The following CELF5 variants were observed in gnomAD, a reference collection of about 807,000 sequenced individuals.
CELF5 encodes CUG-BP and ETR-3 like factor 5.
CELF5 carries 6 observed loss-of-function variants against 54.9 expected under a neutral mutation model. The observed-to-expected ratio is 0.11, with a 90% CI of 0.06 to 0.22. The LOEUF (loss-of-function observed/expected upper bound fraction) is 0.22. CELF5 is among the 10% of genes least tolerant of loss of function. The pLI is 1.00. For missense variants in CELF5, 401 were observed against 678.6 expected (o/e 0.59, Z 4.54); for synonymous variants, 271 against 290.9 (o/e 0.93, Z 0.70).
At chr19:3,235,930 T>C (rs1433343480) in intron 1 of CELF5, among the ~76,000 whole-genome samples, 6 of 151,938 alleles carry the variant, frequency 3.9e-5, no homozygotes, top group African/African-American at 1.5e-4. Context: ...GGTGTATGGA[T>C]GGGGAAATTT....
intron 11 of CELF5, among the ~76,000 whole-genome samples, chr19:3,292,559 C>T (rs1183190749): frequency 6.6e-6 from 1 of 152,162 alleles, no homozygotes; most frequent in Admixed American, 6.5e-5. Context: ...GCTGGGATTA[C>T]AGGCGTGAGC....
rs1599458388 is a variant in CELF5 at position 3,275,076 on chromosome 19, A to C, written c.395-780A>C. 1.3e-5 allele frequency among the ~76,000 whole-genome samples: 2 copies of C among 148,492 alleles called. No homozygotes were observed. Among genetic ancestry groups the C allele is most frequent in the African/African-American group, 2.5e-5 (1 of 39,948 alleles). On this transcript the variant is annotated intron_variant, in intron 3 of 12. Coordinates refer to ENST00000292672, the MANE Select transcript of CELF5 (RefSeq NM_021938.4). This position sits in a 1 kb window ranked among gnomAD's most constrained non-coding sequence, Gnocchi z 6.7. ...CTGCTGGTTTCTCTCTCTCCCTCCCACCCCCATGAGTGACAGCTGCCGAGA... is the reference window on the plus strand; with the variant it reads ...CTGCTGGTTTCTCTCTCTCCCTCCCCCCCCCATGAGTGACAGCTGCCGAGA...
intron 4 of CELF5, among the ~76,000 whole-genome samples, chr19:3,277,334 G>A (rs1231551519): frequency 2.0e-5 from 3 of 152,116 alleles, no homozygotes; most frequent in African/African-American, 7.2e-5. Context: ...TTAGCTGGGC[G>A]TGGTGGCAGG....
intron 2 of CELF5, among the ~76,000 whole-genome samples, chr19:3,270,461 G>A (rs1293036935): frequency 2.0e-5 from 3 of 151,520 alleles, no homozygotes; most frequent in South Asian, 4.1e-4. Flanking sequence ...GAGGGGTGGG[G>A]TGTGGGGAGA....
rs2080089576 is a variant in CELF5 at position 3,278,294 on chromosome 19, TGTGA to T, written c.603+188_603+191del. Among the ~76,000 whole-genome samples the T allele has an allele frequency of 1.3e-5, 2 of 152,012 alleles. No homozygotes were observed. The highest frequency in any genetic ancestry group is 2.4e-5 in the African/African-American group (1 of 41,368). ...GTGGTCCCTGGAGTGGGTATACACG[TGTGA>T]GTGTGTGCAGATGTGGAGGTGAGTA... is the stretch of plus-strand genomic sequence containing the variant. On this transcript the variant is annotated intron_variant, in intron 5 of 12. Coordinates refer to ENST00000292672, the MANE Select transcript of CELF5 (RefSeq NM_021938.4). The surrounding 1 kb of genome is among the most constrained non-coding windows in gnomAD (Gnocchi z 4.5).
chr19:3,282,003 C>T lies in CELF5; in HGVS notation c.751-123C>T, dbSNP rs571844026. 134 of 1,097,318 alleles carry T rather than the reference C, an allele frequency of 1.2e-4. No individual in the cohort carries two copies. The African/African-American group carries it at 1.9e-3, about 16-fold the overall frequency. 68.0% of individuals were successfully genotyped at this position (1,097,318 alleles called of 1,614,324 possible). On this transcript the variant is annotated intron_variant, in intron 6 of 12. Coordinates refer to ENST00000292672, the MANE Select transcript of CELF5 (RefSeq NM_021938.4). This position sits in a 1 kb window ranked among gnomAD's most constrained non-coding sequence, Gnocchi z 5.2. ...TCCCAGTCTGAGCTCCAATTCTGAT[C>T]TCAGCCTGAGCCAAGATACCCAGCC... is the stretch of plus-strand genomic sequence containing the variant.
chr19:3,229,655 A>G (rs540883256), intron 1 of CELF5, among the ~76,000 whole-genome samples: 2 of 152,342 alleles, frequency 1.3e-5, no homozygotes, highest in South Asian at 4.1e-4. Context: ...AGGTGAGAGC[A>G]GAAGTGGCAG....
At chr19:3,266,348 T>G (rs2079881665) in intron 2 of CELF5, among the ~76,000 whole-genome samples, 1 of 151,122 alleles carries the variant, frequency 6.6e-6, no homozygotes, top group African/African-American at 2.4e-5. Context: ...GCCTCCTGAG[T>G]CGAGTCTCAC....
At chr19:3,229,758 G>C (rs1917159300) in intron 1 of CELF5, among the ~76,000 whole-genome samples, 1 of 152,184 alleles carries the variant, frequency 6.6e-6, no homozygotes, top group Admixed American at 6.5e-5. Context: ...TGACTACGCT[G>C]AGGCCCGAAG....
chr19:3,285,967 G>A lies in CELF5; in HGVS notation c.1128G>A (p.Thr376=), dbSNP rs376622157. The change falls in exon 10 of 13, where the codon ACG becomes ACA. Residue 376 remains threonine (T), a synonymous_variant. Coordinates refer to ENST00000292672, the MANE Select transcript of CELF5 (RefSeq NM_021938.4). ...YTAMYPTAAI[T]PIAHSVPQPP... The stretch of plus-strand genomic sequence containing the variant: ...CCATGTACCCCACCGCGGCCATCAC[G>A]CCCATCGCGCACAGCGTCCCCCAGC... The A allele has an allele frequency of 2.1e-5, 33 of 1,586,610 alleles. No homozygotes were observed. In the East Asian group the frequency reaches 2.8e-4, roughly 14 times the overall value.
At chr19:3,231,024 G>A (rs1345863007) in intron 1 of CELF5, among the ~76,000 whole-genome samples, 1 of 152,194 alleles carries the variant, frequency 6.6e-6, no homozygotes, top group Non-Finnish European at 1.5e-5. Flanking sequence ...ACATGATTTT[G>A]GAAACATAGA....
intron 8 of CELF5, chr19:3,284,630 G>A (rs1408602189): frequency 9.8e-6 from 5 of 510,090 alleles, no homozygotes; most frequent in Non-Finnish European, 1.8e-5. Context: ...AACCGGGTCG[G>A]GATAGGGAGA....
Position 3,281,804 on chromosome 19 carries a change from C to G in CELF5, c.751-322C>G, listed in dbSNP as rs569756916. On this transcript the variant is annotated intron_variant, in intron 6 of 12. Transcript: ENST00000292672. The surrounding 1 kb of genome is among the most constrained non-coding windows in gnomAD (Gnocchi z 6.5). The stretch of plus-strand genomic sequence containing the variant: ...GTCTGAGCCTCACTTCCTAACCGAG[C>G]CTTGATCCTAGATTGAGCCTTAGTC... 2.7e-4 allele frequency among the ~76,000 whole-genome samples: 41 copies of G among 152,088 alleles called. No homozygotes were observed.
At chr19:3,235,159 GC>G (rs1917474840) in intron 1 of CELF5, among the ~76,000 whole-genome samples, 1 of 152,124 alleles carries the variant, frequency 6.6e-6, no homozygotes, top group African/African-American at 2.4e-5. Flanking sequence ...CTTTGCATGG[GC>G]TGTGCCCTCT....
At chr19:3,283,805 C>A (rs2145274991) in intron 8 of CELF5, among the ~76,000 whole-genome samples, 1 of 151,792 alleles carries the variant, frequency 6.6e-6, no homozygotes, top group Admixed American at 6.6e-5. Flanking sequence ...TAATTCAACT[C>A]CAGACGGTAT....
intron 1 of CELF5, among the ~76,000 whole-genome samples, chr19:3,231,737 G>A (rs1305763676): frequency 2.3e-5 from 3 of 129,176 alleles, no homozygotes; most frequent in Admixed American, 8.2e-5. Context: ...ATGGGGGAGC[G>A]ATGGATGGGC....
chr19:3,231,296 A>G (rs950452895), intron 1 of CELF5, among the ~76,000 whole-genome samples: 1 of 152,182 alleles, frequency 6.6e-6, no homozygotes, highest in Non-Finnish European at 1.5e-5. Flanking sequence ...GCTGGCTAAC[A>G]GATGGATGGA....
intron 10 of CELF5, among the ~76,000 whole-genome samples, chr19:3,287,064 G>GA (rs140177903): frequency 0.097 from 14,011 of 144,360 alleles, 837 homozygotes; most frequent in South Asian, 0.17. Flanking sequence ...GAAAAGAAAA[G>GA]AAAAAAATCC....
chr19:3,288,246 G>A (rs894403500), intron 10 of CELF5, among the ~76,000 whole-genome samples: 1 of 152,222 alleles, frequency 6.6e-6, no homozygotes, highest in Non-Finnish European at 1.5e-5. Flanking sequence ...CATTGGCTGG[G>A]TGCAGTGGCT....
Sources: gnomAD v4.1 joint callset for allele counts (sites outside exome capture counted in the v4.1 genomes callset) on GRCh38, gnomAD v4.1.1 for gene constraint, Gnocchi (gnomAD v3.1) non-coding constraint, MANE v1.5 for transcripts, NCBI Gene and HGNC (gene_info 2026-07-23, HGNC 2026-07-21) for gene names.